Variants in FGGY observed in about 807,000 individuals in gnomAD.
FGGY encodes FGGY carbohydrate kinase domain containing, also known as FGGY carbohydrate kinase domain-containing protein.
FGGY carries 72 observed loss-of-function variants against 71.3 expected under a neutral mutation model. The observed-to-expected ratio is 1.01, with a 90% CI of 0.84 to 1.23. FGGY has a LOEUF of 1.23. FGGY is among the 50% of genes most tolerant of loss of function. The pLI is 0.00. For synonymous variants in FGGY, 251 were observed against 250.3 expected, an observed-to-expected ratio of 1.00 and a Z score of -0.02; for missense variants, 668 against 682.3, an observed-to-expected ratio of 0.98 and a Z score of 0.23.
chr1:59,600,521 A>G (rs2096566685), intron 8 of FGGY, among the ~76,000 whole-genome samples: 1 of 152,184 alleles, frequency 6.6e-6, no homozygotes, highest in African/African-American at 2.4e-5. Flanking sequence ...GAGGGAAGAG[A>G]AAGAAGAGCC....
intron 6 of FGGY, among the ~76,000 whole-genome samples, chr1:59,460,090 A>G (rs1399991983): frequency 1.3e-5 from 2 of 152,138 alleles, no homozygotes; most frequent in Non-Finnish European, 2.9e-5. Context: ...TGCTTTTTAA[A>G]TGGGTTTCCT....
intron 7 of FGGY, among the ~76,000 whole-genome samples, chr1:59,516,564 G>A (rs891236059): frequency 6.6e-6 from 1 of 152,168 alleles, no homozygotes; most frequent in African/African-American, 2.4e-5. Flanking sequence ...CAGAACTTTT[G>A]TCTCCTGTTA....
chr1:59,621,708 C>G (rs948767992), intron 9 of FGGY, among the ~76,000 whole-genome samples: 1 of 151,496 alleles, frequency 6.6e-6, no homozygotes, highest in Non-Finnish European at 1.5e-5. Flanking sequence ...GTCATTCTTT[C>G]CCTTTATATA....
intron 5 of FGGY, among the ~76,000 whole-genome samples, chr1:59,453,230 A>G (rs2153504308): frequency 6.6e-6 from 1 of 152,262 alleles, no homozygotes; most frequent in Non-Finnish European, 1.5e-5. Flanking sequence ...GAATAATCCC[A>G]ATGAAGGAGG....
At chr1:59,342,063 AAG>A (rs2050821716) in intron 3 of FGGY, among the ~76,000 whole-genome samples, 1 of 152,142 alleles carries the variant, frequency 6.6e-6, no homozygotes, top group African/African-American at 2.4e-5. Flanking sequence ...TTTAGATACT[AAG>A]AGTCCTGTTT....
chr1:59,584,273 A>C (rs1264883692), intron 8 of FGGY, among the ~76,000 whole-genome samples: 1 of 149,828 alleles, frequency 6.7e-6, no homozygotes, highest in East Asian at 1.9e-4. Context: ...ATCCTCAATA[A>C]AATACTGGCA....
At chr1:59,519,576 C>T (rs745394003) in intron 7 of FGGY, among the ~76,000 whole-genome samples, 20 of 152,198 alleles carry the variant, frequency 1.3e-4, no homozygotes, top group African/African-American at 2.6e-4. Flanking sequence ...ATATTTTTTG[C>T]GACTTTTAAA....
chr1:59,632,014 A>G (rs1019387005), intron 10 of FGGY, among the ~76,000 whole-genome samples: 1 of 152,236 alleles, frequency 6.6e-6, no homozygotes. Flanking sequence ...ACATTTTGGC[A>G]TAATCCACAA....
chr1:59,693,609 A>G (rs971177786), intron 14 of FGGY, among the ~76,000 whole-genome samples: 2 of 152,058 alleles, frequency 1.3e-5, no homozygotes, highest in African/African-American at 2.4e-5. Flanking sequence ...AGAACTGTGA[A>G]AGCTGGTGGT....
chr1:59,514,699 C>T (rs545046491), intron 7 of FGGY, among the ~76,000 whole-genome samples: 4 of 152,242 alleles, frequency 2.6e-5, no homozygotes, highest in African/African-American at 4.8e-5. Flanking sequence ...ATAAGTCTCA[C>T]GAGATCCGAT....
chr1:59,313,795 G>T (rs1235561066), intron 1 of FGGY, among the ~76,000 whole-genome samples: 1 of 152,096 alleles, frequency 6.6e-6, no homozygotes, highest in Non-Finnish European at 1.5e-5. Flanking sequence ...TGGACATTGG[G>T]GACTCAGTGG....
chr1:59,651,808 G>A (rs1232440037), intron 11 of FGGY, among the ~76,000 whole-genome samples: 3 of 150,430 alleles, frequency 2.0e-5, no homozygotes, highest in African/African-American at 7.3e-5. Flanking sequence ...ATGTTAGCTG[G>A]TGATTTTGCT....
At chr1:59,514,371 G>C (rs1436624572) in intron 7 of FGGY, among the ~76,000 whole-genome samples, 1 of 152,168 alleles carries the variant, frequency 6.6e-6, no homozygotes, top group Non-Finnish European at 1.5e-5. Context: ...ACTTCCCTCA[G>C]GGACGTGCCA....
chr1:59,347,670 A>C (rs2153221909), intron 4 of FGGY, among the ~76,000 whole-genome samples: 1 of 152,280 alleles, frequency 6.6e-6, no homozygotes, highest in Admixed American at 6.5e-5. Context: ...CAACTATCTG[A>C]TCTTTGACAA....
chr1:59,304,550 G>GT (rs2043182769), intron 1 of FGGY, among the ~76,000 whole-genome samples: 1 of 150,380 alleles, frequency 6.6e-6, no homozygotes. Context: ...GCTATTTGGA[G>GT]TTTTTTGTGG....
intron 1 of FGGY, among the ~76,000 whole-genome samples, chr1:59,300,070 GA>G (rs2153075211): frequency 1.3e-5 from 2 of 152,340 alleles, no homozygotes; most frequent in South Asian, 4.1e-4. Flanking sequence ...GTAGGGATAA[GA>G]AGGAATGTAG....
intron 14 of FGGY, among the ~76,000 whole-genome samples, chr1:59,716,136 T>A (rs143630523): frequency 1.3e-3 from 192 of 152,318 alleles, no homozygotes; most frequent in African/African-American, 4.2e-3. Flanking sequence ...TGGTAACAGG[T>A]AGGACTAGGA....
intron 14 of FGGY, among the ~76,000 whole-genome samples, chr1:59,746,930 T>C (rs1204204914): frequency 1.3e-5 from 2 of 152,254 alleles, no homozygotes; most frequent in Non-Finnish European, 2.9e-5. Flanking sequence ...CAAAGCCATA[T>C]GTTTTCTTGT....
chr1:59,373,242 C>T (rs1206916181), intron 4 of FGGY, among the ~76,000 whole-genome samples: 1 of 152,114 alleles, frequency 6.6e-6, no homozygotes, highest in Non-Finnish European at 1.5e-5. Context: ...GTACAAAAAT[C>T]ACAAGCATTC....
Sources: gnomAD v4.1 joint callset for allele counts (sites outside exome capture counted in the v4.1 genomes callset) on GRCh38, gnomAD v4.1.1 for gene constraint, MANE v1.5 for transcripts, NCBI Gene and HGNC (gene_info 2026-07-23, HGNC 2026-07-21) for gene names.